Variants in TRAPPC9 observed in about 807,000 individuals in gnomAD.
TRAPPC9 encodes IKK2 binding protein.
Under a neutral mutation model 124.0 loss-of-function variants are expected in TRAPPC9, and 83 were observed. The observed-to-expected ratio is 0.67, with a 90% confidence interval of 0.56 to 0.80. The LOEUF is 0.80. TRAPPC9 is among the 30% of genes least tolerant of loss of function. TRAPPC9 has a pLI of 0.00. For synonymous variants in TRAPPC9, 638 were observed against 617.5 expected (o/e 1.03, Z -0.49); for missense variants, 1,302 against 1,508.3 (o/e 0.86, Z 2.27).
At chr8:140,162,330 G>A (rs376451832) in intron 17 of TRAPPC9, among the ~76,000 whole-genome samples, 3 of 152,088 alleles carry the variant, frequency 2.0e-5, no homozygotes, top group African/African-American at 4.8e-5. Flanking sequence ...AAACCAGCAC[G>A]TGGTGTCAGC....
chr8:139,859,977 T>C (rs1341008841), intron 21 of TRAPPC9, among the ~76,000 whole-genome samples: 1 of 152,180 alleles, frequency 6.6e-6, no homozygotes, highest in Non-Finnish European at 1.5e-5. Context: ...ATAAAATGGG[T>C]ACAACTTTAT....
chr8:140,149,336 G>A (rs187840756), intron 17 of TRAPPC9, among the ~76,000 whole-genome samples: 12 of 152,118 alleles, frequency 7.9e-5, no homozygotes, highest in African/African-American at 2.2e-4. Flanking sequence ...ATTATTCCCC[G>A]GGGCCAGGTG....
At chr8:140,243,386 T>C (rs967243347) in intron 16 of TRAPPC9, among the ~76,000 whole-genome samples, 7 of 152,202 alleles carry the variant, frequency 4.6e-5, no homozygotes, top group African/African-American at 1.7e-4. Flanking sequence ...CTGTGGATCT[T>C]TGAAAAGAGA....
rs532289758 is a variant in TRAPPC9 at position 140,037,216 on chromosome 8, G to A, written c.2557-13137C>T. ...TCATTTCCTGCCCAGGCCCCTGAGC[G>A]AGTGATCTGATCTCTTCAGGCAGCA... On this transcript the variant is annotated intron_variant, in intron 17 of 22. Coordinates refer to ENST00000438773, the MANE Select transcript of TRAPPC9 (RefSeq NM_001160372.4). 6.6e-4 allele frequency among the ~76,000 whole-genome samples: 101 copies of A among 152,164 alleles called. 2 individuals are homozygous for A. Among genetic ancestry groups the A allele is most frequent in the Admixed American group, 2.6e-3 (40 of 15,288 alleles).
chr8:140,270,738 G>A (rs1352647107), intron 15 of TRAPPC9, among the ~76,000 whole-genome samples: 6 of 152,198 alleles, frequency 3.9e-5, no homozygotes, highest in South Asian at 2.1e-4. Context: ...TCAGCATGGC[G>A]TGCCCGGGGA....
intron 5 of TRAPPC9, among the ~76,000 whole-genome samples, chr8:140,424,401 G>A (rs2070350957): frequency 6.6e-6 from 1 of 151,698 alleles, no homozygotes; most frequent in Admixed American, 6.6e-5. Context: ...ATCACTTTGG[G>A]AGGCAAAGGT....
chr8:139,958,928 C>CGGGGGAGCCCTGCATTCCGAGTCACAT lies in TRAPPC9; in HGVS notation c.2810+29797_2810+29798insATGTGACTCGGAATGCAGGGCTCCCCC, dbSNP rs1835180428. Among the ~76,000 whole-genome samples, 152 of 117,062 alleles carry CGGGGGAGCCCTGCATTCCGAGTCACAT rather than the reference C, an allele frequency of 1.3e-3. 4 individuals carry two copies. The highest frequency in any genetic ancestry group is 3.2e-3 in the African/African-American group (109 of 33,638). The allele number at this position is 117,062 out of a possible 152,430, so 76.8% of individuals were successfully genotyped here. ...GGGGAGCACTGCATTCCGAGTCACA[C>CGGGGGAGCCCTGCATTCCGAGTCACAT]GGGGGAGCACTGCATTCCGAGTCAC... On this transcript the variant is annotated intron_variant, in intron 19 of 22. Transcript: ENST00000438773.
At chr8:139,734,218 G>A (rs532692960) in intron 21 of TRAPPC9, among the ~76,000 whole-genome samples, 1 of 152,344 alleles carries the variant, frequency 6.6e-6, no homozygotes, top group South Asian at 2.1e-4. Flanking sequence ...CAAGAAGAAG[G>A]ACTCCTGGGA....
intron 17 of TRAPPC9, among the ~76,000 whole-genome samples, chr8:140,204,701 A>G (rs554172286): frequency 6.6e-6 from 1 of 152,188 alleles, no homozygotes; most frequent in African/African-American, 2.4e-5. Context: ...TTTGCCTTCT[A>G]TCATGATTGG....
chr8:139,820,090 T>C (rs1234764391), intron 21 of TRAPPC9, among the ~76,000 whole-genome samples: 1 of 150,938 alleles, frequency 6.6e-6, no homozygotes, highest in Non-Finnish European at 1.5e-5. Context: ...GTTACAAGTA[T>C]GCTGATAAAT....
intron 18 of TRAPPC9, among the ~76,000 whole-genome samples, chr8:140,003,818 C>T (rs1273742008): frequency 1.3e-5 from 2 of 152,110 alleles, no homozygotes; most frequent in Non-Finnish European, 2.9e-5. Context: ...AAAAATACAT[C>T]ATATAATCCA....
At chr8:139,778,574 T>C (rs981380313) in intron 21 of TRAPPC9, among the ~76,000 whole-genome samples, 4 of 152,158 alleles carry the variant, frequency 2.6e-5, no homozygotes, top group African/African-American at 7.2e-5. Context: ...TTTAATGACA[T>C]AGAAGATACA....
chr8:139,834,781 C>T (rs747514837), intron 21 of TRAPPC9, among the ~76,000 whole-genome samples: 5 of 152,170 alleles, frequency 3.3e-5, no homozygotes, highest in South Asian at 2.1e-4. Context: ...ATCTCACACC[C>T]GAGAGATACA....
intron 17 of TRAPPC9, among the ~76,000 whole-genome samples, chr8:140,067,205 G>A (rs192133061): frequency 1.4e-4 from 21 of 152,216 alleles, no homozygotes; most frequent in Admixed American, 8.5e-4. Context: ...GTGCAATGGC[G>A]CAGTCTTGGC....
intron 15 of TRAPPC9, among the ~76,000 whole-genome samples, chr8:140,273,267 C>A (rs1257019519): frequency 6.6e-6 from 1 of 152,226 alleles, no homozygotes; most frequent in Non-Finnish European, 1.5e-5. Context: ...CCTCCCTCCT[C>A]GCACTTCCTG....
intron 5 of TRAPPC9, among the ~76,000 whole-genome samples, chr8:140,410,526 A>G (rs1363251670): frequency 2.6e-5 from 4 of 151,516 alleles, no homozygotes; most frequent in Admixed American, 2.6e-4. Context: ...ACAGAGCAAG[A>G]CTCCATCTCA....
chr8:140,192,646 A>C (rs1430124394), intron 17 of TRAPPC9, among the ~76,000 whole-genome samples: 3 of 152,230 alleles, frequency 2.0e-5, no homozygotes, highest in African/African-American at 7.2e-5. Context: ...AACCAGACAT[A>C]ACATGAGATG....
chr8:139,973,113 G>C (rs1836211169), intron 19 of TRAPPC9, among the ~76,000 whole-genome samples: 1 of 152,250 alleles, frequency 6.6e-6, no homozygotes, highest in Non-Finnish European at 1.5e-5. Flanking sequence ...TCTACCATAA[G>C]AAAAAGTACG....
At chr8:140,447,566 A>G (rs1243501078) in intron 2 of TRAPPC9, among the ~76,000 whole-genome samples, 1 of 152,190 alleles carries the variant, frequency 6.6e-6, no homozygotes, top group Admixed American at 6.5e-5. Flanking sequence ...ACAACACTAC[A>G]TGGACAAGAA....
Sources: gnomAD v4.1 joint callset for allele counts (sites outside exome capture counted in the v4.1 genomes callset) on GRCh38, gnomAD v4.1.1 for gene constraint, MANE v1.5 for transcripts, NCBI Gene and HGNC (gene_info 2026-07-23, HGNC 2026-07-21) for gene names.